ZPLD1: variants seen among roughly 807,000 people sequenced by gnomAD.
The protein encoded by ZPLD1 is zona pellucida like domain containing 1.
A neutral mutation model predicts 47.2 loss-of-function variants in ZPLD1; 34 were observed. The ratio of observed to expected loss-of-function variants is 0.72; its 90% confidence interval spans 0.55 to 0.96. ZPLD1 has a LOEUF of 0.96. Among genes scored for constraint, ZPLD1 ranks in the 40% least tolerant of loss-of-function variants. ZPLD1 has a pLI of 0.00. For missense variants in ZPLD1, 512 were observed against 505.8 expected, an observed-to-expected ratio of 1.01 and a Z score of -0.12; for synonymous variants, 176 against 186.2, an observed-to-expected ratio of 0.95 and a Z score of 0.45.
intron 6 of ZPLD1, among the ~76,000 whole-genome samples, 174 bp downstream of exon 6, chr3:102,458,027 A>G (rs1707445990): frequency 1.3e-5 from 2 of 152,194 alleles, no homozygotes; most frequent in Non-Finnish European, 2.9e-5. Flanking sequence ...AGGTATAATA[A>G]TATCTCCATT....
intron 8 of ZPLD1, among the ~76,000 whole-genome samples, chr3:102,421,611 A>G (rs1300942321): frequency 6.6e-6 from 1 of 151,884 alleles, no homozygotes; most frequent in African/African-American, 2.4e-5. Context: ...TTATTTATCA[A>G]TTCTATTAAA....
upstream of ZPLD1, among the ~76,000 whole-genome samples, chr3:102,430,524 T>G (rs1334633174): frequency 6.6e-6 from 1 of 152,166 alleles, no homozygotes; most frequent in Non-Finnish European, 1.5e-5. Context: ...AGTCCAATGC[T>G]TAGAAACTGC....
chr3:102,418,557 T>C (rs758729092), intron 8 of ZPLD1, among the ~76,000 whole-genome samples: 23 of 151,978 alleles, frequency 1.5e-4, no homozygotes, highest in Non-Finnish European at 2.6e-4. Flanking sequence ...AGACTTGAGG[T>C]CAAAAGTTGT....
intron 4 of ZPLD1, 78 bp downstream of exon 4, chr3:102,453,217 C>T (rs1435862829): frequency 1.1e-5 from 14 of 1,275,554 alleles, no homozygotes; most frequent in Non-Finnish European, 1.5e-5. Flanking sequence ...GAATAAGATG[C>T]CCAATCTATC....
chr3:102,395,261 T>G (rs761418744), intron 7 of ZPLD1, among the ~76,000 whole-genome samples: 1 of 152,058 alleles, frequency 6.6e-6, no homozygotes, highest in Non-Finnish European at 1.5e-5. Context: ...TATATATATA[T>G]ACACACACAT....
intron 8 of ZPLD1, among the ~76,000 whole-genome samples, chr3:102,468,357 A>C (rs1454757000): frequency 6.6e-6 from 1 of 152,204 alleles, no homozygotes; most frequent in African/African-American, 2.4e-5. Context: ...TAGTTTTTAA[A>C]AAGCAAAAGA....
At chr3:102,449,026 G>C (rs1480356387) in intron 3 of ZPLD1, among the ~76,000 whole-genome samples, 1 of 152,314 alleles carries the variant, frequency 6.6e-6, no homozygotes, top group South Asian at 2.1e-4. Flanking sequence ...ATGTATAAAG[G>C]TTCCCTGCAA....
chr3:102,471,098 C>G (rs746947622), intron 10 of ZPLD1, among the ~76,000 whole-genome samples: 8 of 152,136 alleles, frequency 5.3e-5, no homozygotes, highest in Non-Finnish European at 1.2e-4. Flanking sequence ...CGCTTGGATA[C>G]CCTGTGGATC....
intron 6 of ZPLD1, among the ~76,000 whole-genome samples, chr3:102,458,368 T>C (rs1309413505): frequency 1.3e-5 from 2 of 152,216 alleles, no homozygotes; most frequent in South Asian, 2.1e-4. Flanking sequence ...ATTTTTGTCA[T>C]GTAAATATCG....
intron 3 of ZPLD1, among the ~76,000 whole-genome samples, chr3:102,452,129 G>A (rs1158542537): frequency 2.7e-5 from 3 of 112,060 alleles, no homozygotes; most frequent in South Asian, 2.8e-4. Context: ...GTGTGTGTGT[G>A]TGTGTGTGTG....
At chr3:102,399,167 A>G (rs1478063258) in intron 7 of ZPLD1, among the ~76,000 whole-genome samples, 1 of 152,070 alleles carries the variant, frequency 6.6e-6, no homozygotes, top group Admixed American at 6.6e-5. Flanking sequence ...TTGTATCCCC[A>G]CCCTGCTGTT....
At chr3:102,433,025 A>AT (rs774052450), upstream of ZPLD1, among the ~76,000 whole-genome samples, 1 of 152,112 alleles carries the variant, frequency 6.6e-6, no homozygotes, top group Non-Finnish European at 1.5e-5. Context: ...TTACTTGTAG[A>AT]TTTTGGTTCC....
intron 7 of ZPLD1, among the ~76,000 whole-genome samples, chr3:102,410,975 G>T (rs1439229482): frequency 6.6e-6 from 1 of 151,856 alleles, no homozygotes; most frequent in South Asian, 2.1e-4. Context: ...CCTAATAATT[G>T]TTTATGTAAA....
At chr3:102,457,366 ATT>A (rs1707433479) in intron 5 of ZPLD1, among the ~76,000 whole-genome samples, 1 of 152,208 alleles carries the variant, frequency 6.6e-6, no homozygotes, top group Non-Finnish European at 1.5e-5. Context: ...ATGGAAATTC[ATT>A]GATTATTCAA....
At chr3:102,427,448 A>T (rs1056800711) in intron 8 of ZPLD1, among the ~76,000 whole-genome samples, 4 of 152,142 alleles carry the variant, frequency 2.6e-5, no homozygotes, top group Admixed American at 2.6e-4. Flanking sequence ...CACCTCTTCA[A>T]TTGTCATGGA....
At chr3:102,428,869 A>G (rs1706982884) in intron 8 of ZPLD1, among the ~76,000 whole-genome samples, 1 of 152,016 alleles carries the variant, frequency 6.6e-6, no homozygotes, top group Non-Finnish European at 1.5e-5. Flanking sequence ...TTACTTAAGT[A>G]GGTCAAATTC....
intron 7 of ZPLD1, among the ~76,000 whole-genome samples, chr3:102,409,447 C>T (rs551270392): frequency 1.2e-4 from 18 of 151,836 alleles, no homozygotes; most frequent in African/African-American, 3.9e-4. Context: ...GACATTCAAA[C>T]CATAGCACAT....
At chr3:102,434,347 C>T (rs1707054981), upstream of ZPLD1, among the ~76,000 whole-genome samples, 1 of 151,946 alleles carries the variant, frequency 6.6e-6, no homozygotes, top group Non-Finnish European at 1.5e-5. Context: ...TTTTCTGACT[C>T]CAAATTTAAT....
intron 3 of ZPLD1, among the ~76,000 whole-genome samples, chr3:102,445,523 T>A (rs1000023602): frequency 6.6e-6 from 1 of 152,236 alleles, no homozygotes; most frequent in Admixed American, 6.5e-5. Context: ...ACTTAGCACC[T>A]GAATTGACTG....
Sources: gnomAD v4.1 joint callset for allele counts (sites outside exome capture counted in the v4.1 genomes callset) on GRCh38, gnomAD v4.1.1 for gene constraint, MANE v1.5 for transcripts, NCBI Gene and HGNC (gene_info 2026-07-23, HGNC 2026-07-21) for gene names.